Variants in OTC observed in about 807,000 individuals in gnomAD.
OTC encodes ornithine transcarbamylase, mitochondrial.
In OTC, 3 loss-of-function variants were observed where a neutral mutation model predicts 30.3. The observed-to-expected ratio is 0.10, with a 90% CI of 0.05 to 0.26. The LOEUF is 0.26. Ranked by LOEUF, OTC falls within the 10% of genes least tolerant of loss-of-function variation. OTC has a pLI of 1.00. For synonymous variants in OTC, 111 were observed against 99.7 expected, an observed-to-expected ratio of 1.11 and a Z score of -0.67; for missense variants, 194 against 260.3, an observed-to-expected ratio of 0.75 and a Z score of 1.75.
At chrX:38,380,464 T>C (rs760143496) in intron 3 of OTC, among the ~76,000 whole-genome samples, 4 of 112,286 alleles carry the variant, frequency 3.6e-5, no homozygotes, top group Non-Finnish European at 5.6e-5. Flanking sequence ...ATTCTGAGCA[T>C]TAAACCAGTC....
rs1280835441 is a variant in OTC at position 38,381,485 on chromosome X, T to C, written c.386+56T>C. On this transcript the variant is annotated intron_variant, in intron 4 of 9. Coordinates refer to ENST00000039007, the MANE Select transcript of OTC (RefSeq NM_000531.6). ...GATTTCAGAATCTGATGGATAAATT[T>C]CAAAAATAAAACATAATTCTCTTTA... 3.8e-6 allele frequency: 3 copies of C among 784,693 alleles called. No individual in the cohort carries two copies. The East Asian group carries it at 9.6e-5, about 25-fold the overall frequency. 64.7% of individuals were successfully genotyped at this position (784,693 alleles called of 1,213,427 possible).
At chrX:38,356,322 T>C (rs2068241444) in intron 1 of OTC, among the ~76,000 whole-genome samples, 1 of 111,841 alleles carries the variant, frequency 8.9e-6, no homozygotes, top group African/African-American at 3.2e-5. Flanking sequence ...AATTTTAGAA[T>C]ATTAATGATC....
intron 6 of OTC, among the ~76,000 whole-genome samples, chrX:38,408,127 G>A (rs973468264): frequency 2.7e-5 from 3 of 112,139 alleles, no homozygotes; most frequent in Admixed American, 9.4e-5. Flanking sequence ...AAACCATCCC[G>A]GACAAATATA....
intron 6 of OTC, 117 bp from the exon 7 acceptor site, chrX:38,408,625 T>C (rs1554994): frequency 2.7e-5 from 14 of 514,052 alleles, no homozygotes; most frequent in African/African-American, 2.6e-4. Context: ...CTGAACATGG[T>C]GGGACCACAT....
intron 4 of OTC, among the ~76,000 whole-genome samples, chrX:38,384,747 G>T (rs1172182078): frequency 9.0e-6 from 1 of 110,818 alleles, no homozygotes; most frequent in Non-Finnish European, 1.9e-5. Flanking sequence ...AATAAAAAGT[G>T]CCTGCACATT....
At chrX:38,343,646 G>A in the OTC span, among the ~76,000 whole-genome samples, 34 of 112,240 alleles carry the variant, frequency 3.0e-4, no homozygotes, top group Non-Finnish European at 5.6e-4. Flanking sequence ...GGAAACTTGA[G>A]ACTTTTGTCC....
chrX:38,413,325 A>G (rs943676440), intron 9 of OTC, among the ~76,000 whole-genome samples: 1 of 112,348 alleles, frequency 8.9e-6, no homozygotes, highest in African/African-American at 3.2e-5. Flanking sequence ...TACCCTCATT[A>G]TCATCATCTT....
chrX:38,380,267 C>T (rs1048802336), intron 3 of OTC, among the ~76,000 whole-genome samples: 3 of 111,990 alleles, frequency 2.7e-5, no homozygotes, highest in Middle Eastern at 9.2e-3. Context: ...CCCAATTCAC[C>T]GTGCAATTAA....
chrX:38,417,102 A>T (rs1400319177), intron 9 of OTC, among the ~76,000 whole-genome samples: 1 of 111,310 alleles, frequency 9.0e-6, no homozygotes, highest in Non-Finnish European at 1.9e-5. Flanking sequence ...ATATTTTTAT[A>T]TTTTTTTGTC....
intron 4 of OTC, among the ~76,000 whole-genome samples, chrX:38,396,618 C>G (rs1292055066): frequency 9.0e-6 from 1 of 110,528 alleles, no homozygotes; most frequent in Non-Finnish European, 1.9e-5. Context: ...ACTAATAACA[C>G]AAAAATTAGC....
intron 4 of OTC, among the ~76,000 whole-genome samples, chrX:38,393,009 C>A (rs776867309): frequency 1.8e-5 from 2 of 112,353 alleles, no homozygotes; most frequent in Non-Finnish European, 3.8e-5. Context: ...CCCTTGGGAG[C>A]TTTTCAGAAA....
intron 4 of OTC, among the ~76,000 whole-genome samples, chrX:38,388,261 C>T (rs1458456334): frequency 9.0e-6 from 1 of 111,491 alleles, no homozygotes; most frequent in Non-Finnish European, 1.9e-5. Context: ...TAGAATCAGT[C>T]CTATTGCTCA....
At chrX:38,344,554 A>G in the OTC span, among the ~76,000 whole-genome samples, 2 of 111,256 alleles carry the variant, frequency 1.8e-5, no homozygotes, top group Non-Finnish European at 3.8e-5. Flanking sequence ...AAAAAACTCA[A>G]TCTCAACCTC....
chrX:38,390,739 T>G (rs1345661923), intron 4 of OTC, among the ~76,000 whole-genome samples: 1 of 112,309 alleles, frequency 8.9e-6, no homozygotes, highest in Non-Finnish European at 1.9e-5. Flanking sequence ...GCACCAGGAT[T>G]GCTGTATGAT....
At chrX:38,355,521 G>C (rs965197565) in intron 1 of OTC, among the ~76,000 whole-genome samples, 1 of 112,288 alleles carries the variant, frequency 8.9e-6, no homozygotes, top group Non-Finnish European at 1.9e-5. Flanking sequence ...GGAGGTTATG[G>C]ATTGGAGCCA....
chrX:38,399,993 G>C (rs1434223611), intron 4 of OTC, among the ~76,000 whole-genome samples: 2 of 111,115 alleles, frequency 1.8e-5, no homozygotes, highest in East Asian at 5.6e-4. Flanking sequence ...AGAAAAATAA[G>C]GATAAGAATT....
intron 6 of OTC, among the ~76,000 whole-genome samples, chrX:38,405,627 C>T (rs2068512047): frequency 9.0e-6 from 1 of 111,546 alleles, no homozygotes; most frequent in Non-Finnish European, 1.9e-5. Flanking sequence ...ACTATTCAAC[C>T]AAGTACACCT....
intron 4 of OTC, among the ~76,000 whole-genome samples, chrX:38,394,595 A>G (rs1379340087): frequency 9.0e-6 from 1 of 111,078 alleles, no homozygotes; most frequent in South Asian, 3.9e-4. Flanking sequence ...CCTGGCACAC[A>G]TGCAGACAGA....
chrX:38,357,526 T>C (rs2068248037), intron 1 of OTC, among the ~76,000 whole-genome samples: 1 of 112,778 alleles, frequency 8.9e-6, no homozygotes, highest in African/African-American at 3.2e-5. Flanking sequence ...CATTTAACAC[T>C]GAATTTTTTC....
Sources: gnomAD v4.1 joint callset for allele counts (sites outside exome capture counted in the v4.1 genomes callset) on GRCh38, gnomAD v4.1.1 for gene constraint, MANE v1.5 for transcripts, NCBI Gene and HGNC (gene_info 2026-07-23, HGNC 2026-07-21) for gene names.